TOGARAM2: variants seen among roughly 807,000 people sequenced by gnomAD.
TOGARAM2 encodes TOG array regulator of axonemal microtubules 2, also known as TOG array regulator of axonemal microtubules protein 2.
Under a neutral mutation model 93.3 loss-of-function variants are expected in TOGARAM2, and 85 were observed. The observed-to-expected ratio is 0.91, with a 90% CI of 0.76 to 1.09. TOGARAM2 has a LOEUF of 1.09. Among genes scored for constraint, TOGARAM2 ranks in the 50% least tolerant of loss-of-function variants. TOGARAM2 has a pLI of 0.00. For missense variants in TOGARAM2, 1,277 were observed against 1,334.5 expected, an observed-to-expected ratio of 0.96 and a Z score of 0.67; for synonymous variants, 593 against 552.8, an observed-to-expected ratio of 1.07 and a Z score of -1.02.
At chr2:28,958,708 T>C (rs760024675) in intron 1 of TOGARAM2, among the ~76,000 whole-genome samples, 9 of 152,210 alleles carry the variant, frequency 5.9e-5, no homozygotes, top group Non-Finnish European at 8.8e-5. Context: ...TACAATTGTA[T>C]TTTTTCTCAT....
At chr2:28,978,049 G>A (rs1572621052), upstream of TOGARAM2, among the ~76,000 whole-genome samples, 1 of 152,176 alleles carries the variant, frequency 6.6e-6, no homozygotes, top group Admixed American at 6.5e-5. Flanking sequence ...TGAGATTACA[G>A]GCATGCGCCA....
At chr2:28,992,601 C>T (rs546798444) in intron 1 of TOGARAM2, among the ~76,000 whole-genome samples, 24 of 152,282 alleles carry the variant, frequency 1.6e-4, no homozygotes, top group African/African-American at 4.8e-4. Flanking sequence ...TAACCTCAGG[C>T]GGCTCGAGTC....
intron 14 of TOGARAM2, among the ~76,000 whole-genome samples, chr2:29,029,768 G>T (rs961468172): frequency 7.5e-5 from 8 of 106,218 alleles, no homozygotes; most frequent in Non-Finnish European, 1.5e-4. Flanking sequence ...AAAAAAAAAA[G>T]AATGACATAA....
In TOGARAM2 at chr2:29,032,944, C is replaced by A; in HGVS notation, c.2023C>A (p.Arg675=). The change falls in exon 15 of 20, where the codon CGG becomes AGG. Residue 675 remains arginine (R), a synonymous_variant. Transcript: ENST00000379558. The part of the protein sequence containing the change: ...DSNQDTRFYG[R]KMVNILMANT... ...TCTCTCCTGTGGCAGATTTTATGGC[C>A]GGAAGATGGTGAATATCTTGATGGC... 3.7e-6 allele frequency: 6 copies of A among 1,613,364 alleles called. No homozygotes were observed. The highest frequency in any genetic ancestry group is 1.3e-5 in the African/African-American group (1 of 75,000).
intron 19 of TOGARAM2, chr2:29,048,852 T>C (rs1050580788): frequency 1.4e-5 from 2 of 146,812 alleles, no homozygotes; most frequent in African/African-American, 5.1e-5. Flanking sequence ...CTAATTTTTT[T>C]TTTTTTTTTT....
In TOGARAM2 at chr2:29,022,228, A is replaced by G. The variant is rs1215197118; in HGVS notation, c.1431A>G (p.Arg477=). 1.2e-6 allele frequency: 2 copies of G among 1,613,900 alleles called. No homozygotes were observed. The highest frequency in any genetic ancestry group is 2.7e-5 in the African/African-American group (2 of 74,928). ...AAGAAGAGGAGGAGATGGATCTTAG[A>G]GCCTGTAAGGAGTTGAGGCCTTTCT... ...EWEEEEEMDL[R]ACKELRPFSN... is the part of the protein sequence containing the mutation. The change falls in exon 11 of 20, where the codon AGA becomes AGG. Residue 477 remains arginine, a synonymous_variant. Coordinates refer to ENST00000379558, the MANE Select transcript of TOGARAM2 (RefSeq NM_199280.4).
At chr2:28,985,949 C>T (rs1410876461) in intron 1 of TOGARAM2, among the ~76,000 whole-genome samples, 3 of 151,906 alleles carry the variant, frequency 2.0e-5, no homozygotes, top group Non-Finnish European at 4.4e-5. Context: ...ACTAATAATA[C>T]ACACAAAAAA....
intron 1 of TOGARAM2, among the ~76,000 whole-genome samples, chr2:28,983,127 A>G (rs2148237885): frequency 6.7e-6 from 1 of 149,428 alleles, no homozygotes; most frequent in Non-Finnish European, 1.5e-5. Flanking sequence ...AGCTGGGTGT[A>G]CAGGTGCACA....
intron 18 of TOGARAM2, among the ~76,000 whole-genome samples, chr2:29,037,585 G>A (rs531924377): frequency 2.8e-4 from 40 of 143,248 alleles, no homozygotes; most frequent in Admixed American, 8.3e-4. Flanking sequence ...CCCTCCCCCC[G>A]ACCCCACCCC....
chr2:28,980,071 C>T (rs4361080), upstream of TOGARAM2, among the ~76,000 whole-genome samples: 93,077 of 152,074 alleles, frequency 0.61, 29,200 homozygotes, highest in South Asian at 0.71. Flanking sequence ...AAGGGGAATC[C>T]GCACAGCCAC....
intron 19 of TOGARAM2, chr2:29,047,395 G>A (rs1666806446): frequency 6.6e-6 from 1 of 152,178 alleles, no homozygotes; most frequent in African/African-American, 2.4e-5. Context: ...ATTTTTTCTT[G>A]TCTATTTCCA....
intron 1 of TOGARAM2, among the ~76,000 whole-genome samples, chr2:28,963,764 T>C (rs573499609): frequency 6.6e-6 from 1 of 152,244 alleles, no homozygotes; most frequent in African/African-American, 2.4e-5. Flanking sequence ...TCCCAGCAGT[T>C]TGGGAGGCCG....
intron 6 of TOGARAM2, among the ~76,000 whole-genome samples, chr2:29,005,344 TGC>T (rs1425690275): frequency 7.2e-5 from 1 of 13,982 alleles, no homozygotes; most frequent in South Asian, 2.1e-3. Flanking sequence ...ACCGTGTGTG[TGC>T]ATGTGTGGAG....
chr2:29,045,429 A>T lies in TOGARAM2; in HGVS notation c.2722+19A>T. ...CTGGCAGGTGAGCACCCCCAGCCCCACCCCACCCCATCTCCTGGCAGATTT... is the reference window on the plus strand; with the variant it reads ...CTGGCAGGTGAGCACCCCCAGCCCCTCCCCACCCCATCTCCTGGCAGATTT... On this transcript the variant is annotated intron_variant, in intron 19 of 19. Transcript: ENST00000379558. The T allele has an allele frequency of 9.0e-7, 1 of 1,106,004 alleles. No individual in the cohort carries two copies. Among genetic ancestry groups the T allele is most frequent in the Non-Finnish European group, 1.3e-6 (1 of 776,584 alleles). 68.5% of individuals were successfully genotyped at this position (1,106,004 alleles called of 1,614,324 possible).
At chr2:28,985,157 G>A (rs527693919) in intron 1 of TOGARAM2, among the ~76,000 whole-genome samples, 11 of 152,086 alleles carry the variant, frequency 7.2e-5, no homozygotes, top group Non-Finnish European at 1.5e-4. Flanking sequence ...GTCTCATGAT[G>A]GGTTAGTGCC....
intron 1 of TOGARAM2, among the ~76,000 whole-genome samples, chr2:28,973,453 T>TCTTTCCTCCCTTCCTTCCCTTCC (rs1558394793): frequency 1.4e-4 from 13 of 93,938 alleles, no homozygotes; most frequent in African/African-American, 5.3e-4. Flanking sequence ...CTTCCTTCCT[T>TCTTTCCTCCCTTCCTTCCCTTCC]CCTTCCTTCC....
In TOGARAM2 at chr2:28,997,805, G is replaced by A. The variant is rs537139195; in HGVS notation, c.29-338G>A. ...AGAGGTTGGGGATGGGCACTCCATCGGTCAATGATGTTGGGTGATGGAAGA... is the reference window on the plus strand; with the variant it reads ...AGAGGTTGGGGATGGGCACTCCATCAGTCAATGATGTTGGGTGATGGAAGA... On this transcript the variant is annotated intron_variant, in intron 2 of 19. Transcript: ENST00000379558. 1.1e-4 allele frequency among the ~76,000 whole-genome samples: 16 copies of A among 152,252 alleles called. No individual in the cohort carries two copies. The South Asian group carries it at 1.5e-3, about 14-fold the overall frequency.
At chr2:28,998,072 G>T in intron 2 of TOGARAM2, 71 bp from the exon 3 acceptor site, 1 of 1,097,178 alleles carries the variant, frequency 9.1e-7, no homozygotes, top group Non-Finnish European at 1.3e-6. Context: ...ACGGCCGGGT[G>T]TTCTTGGTTT....
At chr2:28,980,907 C>G (rs899269228), upstream of TOGARAM2, among the ~76,000 whole-genome samples, 3 of 152,206 alleles carry the variant, frequency 2.0e-5, no homozygotes, top group African/African-American at 7.2e-5. Flanking sequence ...GACCAGAGGG[C>G]ACACAGCTGG....
Sources: gnomAD v4.1 joint callset for allele counts (sites outside exome capture counted in the v4.1 genomes callset) on GRCh38, gnomAD v4.1.1 for gene constraint, MANE v1.5 for transcripts, NCBI Gene and HGNC (gene_info 2026-07-23, HGNC 2026-07-21) for gene names.